DDAH1: variants seen among roughly 807,000 people sequenced by gnomAD.
DDAH1 encodes dimethylarginine dimethylaminohydrolase 1.
A neutral mutation model predicts 28.8 loss-of-function variants in DDAH1; 19 were observed. The ratio of observed to expected loss-of-function variants is 0.66; its 90% CI spans 0.46 to 0.97. The LOEUF is 0.97. DDAH1 is among the 50% of genes least tolerant of loss of function. The pLI, the probability that DDAH1 is intolerant of heterozygous loss-of-function variation, is 0.00. For missense variants in DDAH1, 326 were observed against 375.9 expected (o/e 0.87, Z 1.10); for synonymous variants, 153 against 154.4 (o/e 0.99, Z 0.07).
chr1:85,449,955 T>C (rs1654595780), intron 1 of DDAH1, among the ~76,000 whole-genome samples: 1 of 152,072 alleles, frequency 6.6e-6, no homozygotes, highest in Admixed American at 6.6e-5. Flanking sequence ...GGAATATTCC[T>C]AAGAATAAAA....
chr1:85,345,376 T>G (rs895383166), intron 4 of DDAH1, among the ~76,000 whole-genome samples: 3 of 151,546 alleles, frequency 2.0e-5, no homozygotes, highest in Non-Finnish European at 2.9e-5. Flanking sequence ...GAAGGTGAGA[T>G]GCAAAGTTGG....
chr1:85,392,804 A>G (rs976912156), intron 1 of DDAH1, among the ~76,000 whole-genome samples: 9 of 151,492 alleles, frequency 5.9e-5, no homozygotes, highest in South Asian at 4.2e-4. Flanking sequence ...AAAAAAAAAA[A>G]AAAAAAAAAA....
At chr1:85,507,136 A>G (rs534537423) in intron 1 of DDAH1, among the ~76,000 whole-genome samples, 3 of 152,136 alleles carry the variant, frequency 2.0e-5, no homozygotes, top group East Asian at 1.9e-4. Context: ...ATATATATAT[A>G]TGTGTGTGTG....
intron 1 of DDAH1, among the ~76,000 whole-genome samples, chr1:85,541,764 A>C (rs1658478717): frequency 6.6e-6 from 1 of 152,180 alleles, no homozygotes; most frequent in South Asian, 2.1e-4. Flanking sequence ...TGGAGCCCTC[A>C]TAAATCAGAT....
chr1:85,445,860 C>A (rs1654405362), intron 1 of DDAH1, among the ~76,000 whole-genome samples: 1 of 152,118 alleles, frequency 6.6e-6, no homozygotes, highest in African/African-American at 2.4e-5. Flanking sequence ...CTTGGCCTCC[C>A]AAAATACTGG....
chr1:85,422,631 C>T (rs1191102914), intron 1 of DDAH1, among the ~76,000 whole-genome samples: 2 of 152,062 alleles, frequency 1.3e-5, no homozygotes, highest in Admixed American at 6.6e-5. Flanking sequence ...CCTATTGTTC[C>T]AGCAACAATT....
chr1:85,414,553 A>G (rs1250339211), intron 1 of DDAH1, among the ~76,000 whole-genome samples: 2 of 152,198 alleles, frequency 1.3e-5, no homozygotes, highest in Admixed American at 1.3e-4. Context: ...CAGAACATAT[A>G]AAGAATTCCT....
At chr1:85,549,787 A>T (rs944545217) in intron 1 of DDAH1, among the ~76,000 whole-genome samples, 1 of 152,248 alleles carries the variant, frequency 6.6e-6, no homozygotes, top group Non-Finnish European at 1.5e-5. Flanking sequence ...CTTATTTCTC[A>T]TTCAATCATA....
At chr1:85,551,352 G>T (rs970838568) in intron 1 of DDAH1, among the ~76,000 whole-genome samples, 9 of 152,196 alleles carry the variant, frequency 5.9e-5, no homozygotes. Context: ...TCTGGGATCT[G>T]CTGGTTTTCA....
intron 1 of DDAH1, among the ~76,000 whole-genome samples, chr1:85,443,653 C>G (rs1654303326): frequency 6.6e-6 from 1 of 152,170 alleles, no homozygotes; most frequent in African/African-American, 2.4e-5. Flanking sequence ...TTCTTCCTAT[C>G]CATGAGCATG....
At chr1:85,326,499 G>A (rs1647404386) in intron 4 of DDAH1, among the ~76,000 whole-genome samples, 1 of 152,134 alleles carries the variant, frequency 6.6e-6, no homozygotes, top group African/African-American at 2.4e-5. Context: ...CTTGCTTTAG[G>A]TCACATAGGT....
chr1:85,326,125 G>C (rs749477621), intron 4 of DDAH1, among the ~76,000 whole-genome samples: 15 of 152,318 alleles, frequency 9.8e-5, no homozygotes, highest in Admixed American at 7.2e-4. Context: ...TCATTCCTAA[G>C]AGTGGCACAT....
At chr1:85,421,944 T>C (rs1352966583) in intron 1 of DDAH1, among the ~76,000 whole-genome samples, 1 of 152,210 alleles carries the variant, frequency 6.6e-6, no homozygotes, top group African/African-American at 2.4e-5. Context: ...TGCATTTGGG[T>C]AAATACTTAG....
At chr1:85,444,819 G>A (rs1384021254) in intron 1 of DDAH1, among the ~76,000 whole-genome samples, 4 of 151,840 alleles carry the variant, frequency 2.6e-5, no homozygotes, top group Non-Finnish European at 5.9e-5. Flanking sequence ...GACCAAAGTA[G>A]GGGGATTAGT....
At chr1:85,326,975 G>A (rs186986682) in intron 4 of DDAH1, among the ~76,000 whole-genome samples, 55 of 152,262 alleles carry the variant, frequency 3.6e-4, no homozygotes, top group African/African-American at 1.2e-3. Context: ...ATATGAAGAC[G>A]CTTGAGAGAA....
At chr1:85,383,810 T>C (rs1198904979) in intron 1 of DDAH1, among the ~76,000 whole-genome samples, 2 of 152,230 alleles carry the variant, frequency 1.3e-5, no homozygotes, top group Non-Finnish European at 2.9e-5. Context: ...GCTCAGGTGA[T>C]TGTCAGCATT....
chr1:85,457,794 A>C (rs1402967956), intron 1 of DDAH1, among the ~76,000 whole-genome samples: 1 of 152,162 alleles, frequency 6.6e-6, no homozygotes, highest in African/African-American at 2.4e-5. Flanking sequence ...GTTTCGAGTG[A>C]GTGTCCTGCC....
At chr1:85,559,087 A>C (rs979633839) in intron 1 of DDAH1, among the ~76,000 whole-genome samples, 3 of 152,244 alleles carry the variant, frequency 2.0e-5, no homozygotes, top group Admixed American at 2.0e-4. Flanking sequence ...CCCCTGACTC[A>C]GTAATGAAAG....
chr1:85,394,815 T>C (rs1398887826), intron 1 of DDAH1, among the ~76,000 whole-genome samples: 1 of 115,588 alleles, frequency 8.7e-6, no homozygotes, highest in Non-Finnish European at 2.1e-5. Context: ...AACATAATCT[T>C]AAAGTCATAT....
Sources: allele counts gnomAD v4.1 joint callset (sites outside exome capture counted in the v4.1 genomes callset), GRCh38; gene constraint gnomAD v4.1.1; transcripts MANE v1.5; gene names NCBI Gene and HGNC (gene_info 2026-07-23, HGNC 2026-07-21).